The following APOO variants were observed in gnomAD, a reference collection of about 807,000 sequenced individuals.
APOO encodes MICOS complex subunit MIC26.
Under a neutral mutation model 23.1 loss-of-function variants are expected in APOO, and 11 were observed. The observed-to-expected ratio is 0.48, with a 90% CI of 0.30 to 0.79. APOO has a LOEUF of 0.79. APOO is among the 30% of genes least tolerant of loss of function. The probability of loss-of-function intolerance (pLI) is 0.07; values close to 1 mark genes in which losing one functional copy is unlikely to be tolerated. For missense variants in APOO, 160 were observed against 142.7 expected (o/e 1.12, Z -0.62); for synonymous variants, 59 against 54.8 (o/e 1.08, Z -0.34).
chrX:23,845,267 T>G (rs1440049895), intron 7 of APOO, among the ~76,000 whole-genome samples: 2 of 112,416 alleles, frequency 1.8e-5, no homozygotes, highest in East Asian at 5.5e-4. Context: ...CTGTAGTTCT[T>G]AGAATTTTAG....
intron 1 of APOO, among the ~76,000 whole-genome samples, chrX:23,895,217 T>A (rs1269854223): frequency 9.0e-6 from 1 of 111,577 alleles, no homozygotes; most frequent in Non-Finnish European, 1.9e-5. Context: ...CTATGTTTAT[T>A]GCAGCACTAT....
chrX:23,907,547 G>A, intron 1 of APOO, 147 bp downstream of exon 1: 2 of 603,023 alleles, frequency 3.3e-6, no homozygotes, highest in Non-Finnish European at 2.4e-6. Flanking sequence ...TGAATGAACC[G>A]CGGGGCCGGG....
chrX:23,876,420 C>CAAAAAAA (rs765596295), intron 3 of APOO, among the ~76,000 whole-genome samples: 1 of 43,328 alleles, frequency 2.3e-5, no homozygotes, highest in Non-Finnish European at 4.8e-5. Flanking sequence ...TTGTCTCTAC[C>CAAAAAAA]AAAAAAAAAA....
At chrX:23,880,440 T>C (rs1203946107) in intron 2 of APOO, among the ~76,000 whole-genome samples, 1 of 111,813 alleles carries the variant, frequency 8.9e-6, no homozygotes, top group Non-Finnish European at 1.9e-5. Context: ...TGGCTCACGC[T>C]TGTAATCCCA....
chrX:23,862,528 C>T (rs914616077), intron 5 of APOO, among the ~76,000 whole-genome samples: 1 of 108,326 alleles, frequency 9.2e-6, no homozygotes, highest in African/African-American at 3.4e-5. Flanking sequence ...ATAATCCTAG[C>T]GCTTTGGGAG....
chrX:23,906,429 G>A (rs1393093678), intron 1 of APOO, among the ~76,000 whole-genome samples: 3 of 112,356 alleles, frequency 2.7e-5, no homozygotes, highest in Admixed American at 1.9e-4. Context: ...CCTTTGAGGA[G>A]CTGAGGGCCC....
chrX:23,871,902 G>T (rs1448162170), intron 4 of APOO, among the ~76,000 whole-genome samples: 1 of 111,609 alleles, frequency 9.0e-6, no homozygotes, highest in African/African-American at 3.3e-5. Flanking sequence ...TCCTTTTCCT[G>T]GGTTCTTTGG....
chrX:23,866,016 C>T (rs1209464059), intron 5 of APOO, among the ~76,000 whole-genome samples: 1 of 111,286 alleles, frequency 9.0e-6, no homozygotes, highest in Non-Finnish European at 1.9e-5. Flanking sequence ...CATCTCCAAT[C>T]CTCCTTAGGA....
chrX:23,886,769 A>G (rs1350585238), intron 1 of APOO, among the ~76,000 whole-genome samples: 2 of 111,885 alleles, frequency 1.8e-5, no homozygotes, highest in Non-Finnish European at 3.8e-5. Context: ...CTTAACAGTA[A>G]AAAGGAAGCT....
At position 23,907,733 on chromosome X, in the gene APOO, AC is replaced by A. The variant is rs781050333; in HGVS notation, c.-32del. 7.0e-5 allele frequency: 81 copies of A among 1,157,619 alleles called. No homozygotes were observed. The South Asian group carries it at 1.5e-3, about 21-fold the overall frequency. On this transcript the variant is annotated 5_prime_UTR_variant, in exon 1 of 9. Transcript: ENST00000379226. ...TGGCAGCGGAGGCTCCGGCAGGGTC[AC>A]CCCGGCCTCGGCCACGCCCACTATA...
At chrX:23,890,182 T>G (rs1307560594) in intron 1 of APOO, among the ~76,000 whole-genome samples, 1 of 112,009 alleles carries the variant, frequency 8.9e-6, no homozygotes, top group Non-Finnish European at 1.9e-5. Flanking sequence ...AAAACTGTCC[T>G]AAATATAAAA....
rs991320778 is a variant in APOO at position 23,897,910 on chromosome X, G to A, written c.9+9784C>T. ...CCCAGGAGGGTGAGGCAGGAGGATC[G>A]CTTGAGCCTGGGAGGTGGAGGTTGC... On this transcript the variant is annotated intron_variant, in intron 1 of 8. Transcript: ENST00000379226. Among the ~76,000 whole-genome samples, 52 of 105,677 alleles carry A rather than the reference G, an allele frequency of 4.9e-4. 2 individuals are homozygous for A. The highest frequency in any genetic ancestry group is 4.3e-4 in the Non-Finnish European group (22 of 51,519). The allele number at this position is 105,677 out of a possible 115,157, so 91.8% of individuals were successfully genotyped here. A position where few individuals can be genotyped will look rare whatever the true frequency, so the allele number is the denominator to read the frequency against.
At chrX:23,878,583 C>T (rs910776285) in intron 3 of APOO, among the ~76,000 whole-genome samples, 3 of 112,537 alleles carry the variant, frequency 2.7e-5, no homozygotes, top group African/African-American at 9.7e-5. Flanking sequence ...AATGCGGAAT[C>T]TATCCGCTCA....
At chrX:23,887,984 A>C (rs1409644307) in intron 1 of APOO, among the ~76,000 whole-genome samples, 3 of 111,878 alleles carry the variant, frequency 2.7e-5, no homozygotes, top group African/African-American at 9.7e-5. Context: ...AGAAAACGAA[A>C]ATTTGGCTTA....
intron 7 of APOO, among the ~76,000 whole-genome samples, chrX:23,849,177 A>T (rs1212312610): frequency 9.2e-6 from 1 of 109,085 alleles, no homozygotes; most frequent in African/African-American, 3.3e-5. Flanking sequence ...ATCTCAAGTG[A>T]TCTACCCTCC....
chrX:23,890,659 G>T (rs982283585), intron 1 of APOO, among the ~76,000 whole-genome samples: 9 of 112,057 alleles, frequency 8.0e-5, no homozygotes, highest in Non-Finnish European at 1.3e-4. Flanking sequence ...ACATTCAATA[G>T]TTTATTATAA....
chrX:23,856,444 T>G, intron 6 of APOO, 62 bp from the exon 7 acceptor site: 1 of 892,281 alleles, frequency 1.1e-6, no homozygotes, highest in Non-Finnish European at 1.6e-6. Flanking sequence ...TTGGGAATAA[T>G]AATGGAATAT....
chrX:23,848,655 A>C (rs909023609), intron 7 of APOO, among the ~76,000 whole-genome samples: 3 of 110,512 alleles, frequency 2.7e-5, no homozygotes, highest in African/African-American at 9.8e-5. Flanking sequence ...GAGAAAATGA[A>C]ACAATAGAAG....
chrX:23,849,190 G>A (rs937760896), intron 7 of APOO, among the ~76,000 whole-genome samples: 4 of 108,999 alleles, frequency 3.7e-5, no homozygotes, highest in African/African-American at 6.7e-5. Flanking sequence ...TACCCTCCTC[G>A]GCCTCCCAAA....
Sources: gnomAD v4.1 joint callset for allele counts (sites outside exome capture counted in the v4.1 genomes callset) on GRCh38, gnomAD v4.1.1 for gene constraint, MANE v1.5 for transcripts, NCBI Gene and HGNC (gene_info 2026-07-23, HGNC 2026-07-21) for gene names.